The following FHOD3 variants were observed in gnomAD, a reference collection of about 807,000 sequenced individuals.
The protein encoded by FHOD3 is formin homology 2 domain containing 3.
In FHOD3, 90 loss-of-function variants were observed where a neutral mutation model predicts 173.0. The ratio of observed to expected loss-of-function variants is 0.52; its 90% CI spans 0.44 to 0.62. FHOD3 has a LOEUF of 0.62. Ranked by LOEUF, FHOD3 falls within the 20% of genes least tolerant of loss-of-function variation. The probability of loss-of-function intolerance (pLI) is 0.00; values close to 1 mark genes in which losing one functional copy is unlikely to be tolerated. For missense variants in FHOD3, 1,945 were observed against 2,034.7 expected (o/e 0.96, Z 0.85); for synonymous variants, 828 against 823.0 (o/e 1.01, Z -0.10).
At chr18:36,493,970 T>G (rs1231281692) in intron 3 of FHOD3, among the ~76,000 whole-genome samples, 1 of 152,206 alleles carries the variant, frequency 6.6e-6, no homozygotes, top group Non-Finnish European at 1.5e-5. Flanking sequence ...GCGATTTTTA[T>G]AGACCCCAAA....
chr18:36,759,053 C>T, intron 25 of FHOD3, 65 bp from the exon 26 acceptor site: 4 of 1,508,816 alleles, frequency 2.7e-6, no homozygotes, highest in Non-Finnish European at 3.6e-6. Context: ...TTTTTGCTGA[C>T]TTCTGTGCCT....
At chr18:36,336,848 CAAAAAAAAAAAAAAA>C (rs36099993) in intron 1 of FHOD3, among the ~76,000 whole-genome samples, 1 of 35,800 alleles carries the variant, frequency 2.8e-5, no homozygotes, top group African/African-American at 8.4e-5. Flanking sequence ...AACTCCGTCT[CAAAAAAAAAAAAAAA>C]AAAAAAAAAA....
chr18:36,339,667 G>A (rs1415410326), intron 1 of FHOD3, among the ~76,000 whole-genome samples: 1 of 152,202 alleles, frequency 6.6e-6, no homozygotes, highest in Non-Finnish European at 1.5e-5. Context: ...GGGTGCAGGT[G>A]CAGAGAGAGT....
At chr18:36,535,167 CA>C (rs1229059264) in intron 5 of FHOD3, among the ~76,000 whole-genome samples, 8 of 152,270 alleles carry the variant, frequency 5.3e-5, no homozygotes, top group Non-Finnish European at 1.2e-4. Context: ...AGCTTATATG[CA>C]AGGCTCCATG....
At chr18:36,715,578 G>A (rs112469138) in intron 18 of FHOD3, among the ~76,000 whole-genome samples, 4 of 152,308 alleles carry the variant, frequency 2.6e-5, no homozygotes, top group African/African-American at 9.6e-5. Flanking sequence ...AGATGTTGCA[G>A]AAACAACAGT....
At chr18:36,460,863 G>T (rs2052506820) in intron 3 of FHOD3, among the ~76,000 whole-genome samples, 1 of 152,282 alleles carries the variant, frequency 6.6e-6, no homozygotes, top group Non-Finnish European at 1.5e-5. Context: ...ATTATTATTA[G>T]GTTTCCTACA....
At chr18:36,693,552 A>AG (rs1402332311) in intron 17 of FHOD3, 129 bp downstream of exon 17, 220 of 882,910 alleles carry the variant, frequency 2.5e-4, no homozygotes, top group Middle Eastern at 1.4e-3. Flanking sequence ...TTGTTGGGGG[A>AG]GGGGGGTTGT....
chr18:36,729,112 G>A (rs2041221952), intron 19 of FHOD3, among the ~76,000 whole-genome samples: 1 of 152,192 alleles, frequency 6.6e-6, no homozygotes, highest in Non-Finnish European at 1.5e-5. Context: ...AGTTACAGTT[G>A]CTCTGCTGTT....
intron 18 of FHOD3, among the ~76,000 whole-genome samples, chr18:36,717,117 A>G (rs1025843204): frequency 6.6e-6 from 1 of 152,086 alleles, no homozygotes; most frequent in Non-Finnish European, 1.5e-5. Context: ...CTGAGGGTCA[A>G]TGCAGGTGGG....
intron 18 of FHOD3, chr18:36,711,061 T>C (rs537631024): frequency 6.6e-6 from 1 of 152,356 alleles, no homozygotes; most frequent in African/African-American, 2.4e-5. Context: ...AACCACTGAC[T>C]TTCTACCAAA....
At chr18:36,725,481 T>C (rs1342351727) in intron 19 of FHOD3, among the ~76,000 whole-genome samples, 1 of 152,208 alleles carries the variant, frequency 6.6e-6, no homozygotes, top group Non-Finnish European at 1.5e-5. Context: ...CATCAGGGAC[T>C]GGGCTTGTTT....
At chr18:36,577,808 A>T (rs2058709724) in intron 6 of FHOD3, among the ~76,000 whole-genome samples, 1 of 152,196 alleles carries the variant, frequency 6.6e-6, no homozygotes, top group Non-Finnish European at 1.5e-5. Flanking sequence ...AAGGAAGCAG[A>T]TCTATTCCGT....
intron 14 of FHOD3, among the ~76,000 whole-genome samples, chr18:36,669,774 T>C (rs925886916): frequency 5.9e-5 from 9 of 151,970 alleles, no homozygotes; most frequent in Non-Finnish European, 1.2e-4. Flanking sequence ...CTGTAAACAA[T>C]TGATTATCTT....
intron 5 of FHOD3, among the ~76,000 whole-genome samples, chr18:36,537,204 G>T (rs551023316): frequency 6.6e-6 from 1 of 152,158 alleles, no homozygotes; most frequent in African/African-American, 2.4e-5. Flanking sequence ...GTATTTTTAC[G>T]CCAGGGTGAG....
intron 2 of FHOD3, 122 bp downstream of exon 2, chr18:36,355,767 C>G (rs2046330079): frequency 1.3e-6 from 1 of 765,980 alleles, no homozygotes; most frequent in East Asian, 2.7e-5. Context: ...TTCTCAATCA[C>G]ACACGAGGGA....
intron 14 of FHOD3, among the ~76,000 whole-genome samples, chr18:36,665,516 A>C (rs1270646955): frequency 6.6e-6 from 1 of 152,100 alleles, no homozygotes; most frequent in Non-Finnish European, 1.5e-5. Context: ...TACCCCTGGC[A>C]AAAGGTCTGG....
chr18:36,664,777 T>TGTGAGA (rs1555798228), intron 14 of FHOD3, among the ~76,000 whole-genome samples: 6 of 129,526 alleles, frequency 4.6e-5, no homozygotes, highest in Admixed American at 7.8e-5. Flanking sequence ...TGTGTGTATG[T>TGTGAGA]GAGAGAGAGA....
intron 3 of FHOD3, among the ~76,000 whole-genome samples, chr18:36,386,264 C>T (rs1334940266): frequency 6.6e-6 from 1 of 152,134 alleles, no homozygotes; most frequent in African/African-American, 2.4e-5. Flanking sequence ...TCCTCTGCCT[C>T]ATCTCCCTGC....
At chr18:36,701,032 T>C (rs1462657008) in intron 17 of FHOD3, among the ~76,000 whole-genome samples, 1 of 152,246 alleles carries the variant, frequency 6.6e-6, no homozygotes, top group African/African-American at 2.4e-5. Context: ...CTCCCAAGCA[T>C]CTACGTGTGC....
Sources: gnomAD v4.1 joint callset for allele counts (sites outside exome capture counted in the v4.1 genomes callset) on GRCh38, gnomAD v4.1.1 for gene constraint, MANE v1.5 for transcripts, NCBI Gene and HGNC (gene_info 2026-07-23, HGNC 2026-07-21) for gene names.